TTC23: variants seen among roughly 807,000 people sequenced by gnomAD.
The protein encoded by TTC23 is tetratricopeptide repeat protein 23.
Under a neutral mutation model 55.1 loss-of-function variants are expected in TTC23, and 58 were observed. The ratio of observed to expected loss-of-function variants is 1.05; its 90% CI spans 0.85 to 1.31. TTC23 has a LOEUF of 1.31. Among genes scored for constraint, TTC23 ranks in the 50% most tolerant of loss-of-function variants. TTC23 has a pLI of 0.00. For missense variants in TTC23, 516 were observed against 534.4 expected (o/e 0.97, Z 0.34); for synonymous variants, 203 against 199.9 (o/e 1.02, Z -0.13).
intron 8 of TTC23, among the ~76,000 whole-genome samples, chr15:99,216,303 A>C (rs1167407014): frequency 3.3e-5 from 5 of 152,198 alleles, no homozygotes; most frequent in African/African-American, 1.2e-4. Flanking sequence ...TAGGTCTTGG[A>C]GGGAAATTTT....
intron 9 of TTC23, among the ~76,000 whole-genome samples, chr15:99,187,452 C>CAAAAAAAAAAAAAAAAGAAAAAAAAAAA (rs66568931): frequency 4.5e-5 from 2 of 44,506 alleles, no homozygotes; most frequent in Non-Finnish European, 4.0e-5. Flanking sequence ...AAAGCACAAG[C>CAAAAAAAAAAAAAAAAGAAAAAAAAAAA]AAAAAAAAAA....
At chr15:99,233,013 G>C (rs535063616) in intron 4 of TTC23, among the ~76,000 whole-genome samples, 10 of 152,312 alleles carry the variant, frequency 6.6e-5, no homozygotes, top group Non-Finnish European at 1.3e-4. Context: ...AAAATACTAT[G>C]TTAAGTGAAA....
chr15:99,151,117 A>C (rs1468204509), intron 12 of TTC23, among the ~76,000 whole-genome samples: 1 of 152,160 alleles, frequency 6.6e-6, no homozygotes, highest in Admixed American at 6.5e-5. Context: ...GGTCTGGGAC[A>C]TTTTTAAGGG....
chr15:99,216,355 C>G (rs2077474574), intron 8 of TTC23, among the ~76,000 whole-genome samples: 1 of 152,034 alleles, frequency 6.6e-6, no homozygotes, highest in Non-Finnish European at 1.5e-5. Context: ...ACTTTCTAAC[C>G]AGACTCCCAA....
intron 8 of TTC23, among the ~76,000 whole-genome samples, chr15:99,215,667 G>C (rs539835866): frequency 6.6e-6 from 1 of 152,146 alleles, no homozygotes; most frequent in South Asian, 2.1e-4. Flanking sequence ...GATTGCTTGA[G>C]CCCAGGGAGG....
rs574879822 is a variant in TTC23 at position 99,214,323 on chromosome 15, C to T, written c.581+4265G>A. ...GAGATCGAGACCATCCTGGCTAACA[C>T]GGTGAAACACCGTCTCTACTAAAAA... On this transcript the variant is annotated intron_variant, in intron 8 of 13. Coordinates refer to ENST00000394132, the MANE Select transcript of TTC23 (RefSeq NM_001288615.3). Among the ~76,000 whole-genome samples, 407 of 151,916 alleles carry T rather than the reference C, an allele frequency of 2.7e-3. 1 individual carries two copies. The highest frequency in any genetic ancestry group is 7.7e-3 in the African/African-American group (320 of 41,430).
chr15:99,194,271 G>C (rs1162366202), intron 9 of TTC23, among the ~76,000 whole-genome samples: 1 of 152,046 alleles, frequency 6.6e-6, no homozygotes, highest in Non-Finnish European at 1.5e-5. Context: ...TTTGTATGGA[G>C]AGGCAAAAGA....
chr15:99,137,928 C>T lies in TTC23; in HGVS notation c.*82G>A. ...AATCTGTATCCTGACTGTTGAATTC[C>T]ATTTTCTAGGCGGAGGTGATTTGTA... On this transcript the variant is annotated 3_prime_UTR_variant, in exon 14 of 14. Transcript: ENST00000394132. The T allele has an allele frequency of 6.3e-7, 1 of 1,575,864 alleles. No homozygotes were observed. The highest frequency in any genetic ancestry group is 1.1e-5 in the South Asian group (1 of 87,640).
chr15:99,226,499 GA>G (rs2078430902), intron 5 of TTC23, among the ~76,000 whole-genome samples: 1 of 152,122 alleles, frequency 6.6e-6, no homozygotes, highest in African/African-American at 2.4e-5. Context: ...CTAAAAAACT[GA>G]TATTTTAAAA....
chr15:99,164,445 A>G (rs2071783602), intron 10 of TTC23, among the ~76,000 whole-genome samples: 1 of 152,216 alleles, frequency 6.6e-6, no homozygotes, highest in Non-Finnish European at 1.5e-5. Context: ...ACTCCCACAG[A>G]AGCACCTGTT....
intron 2 of TTC23, among the ~76,000 whole-genome samples, chr15:99,242,272 C>T (rs979154196): frequency 6.6e-6 from 1 of 151,102 alleles, no homozygotes; most frequent in Non-Finnish European, 1.5e-5. Flanking sequence ...ATAAAAAATA[C>T]CAAAAAAATA....
chr15:99,224,758 C>G (rs1479439438), intron 5 of TTC23, among the ~76,000 whole-genome samples: 2 of 152,214 alleles, frequency 1.3e-5, no homozygotes, highest in African/African-American at 4.8e-5. Flanking sequence ...AGCAGAAATG[C>G]CCCTTACGTT....
intron 8 of TTC23, among the ~76,000 whole-genome samples, chr15:99,207,649 C>T (rs2076730162): frequency 6.6e-6 from 1 of 152,216 alleles, no homozygotes. Context: ...CCCAACTACT[C>T]AGGAGGGTGA....
chr15:99,213,034 G>A (rs1268506365), intron 8 of TTC23, among the ~76,000 whole-genome samples: 1 of 148,144 alleles, frequency 6.8e-6, no homozygotes. Flanking sequence ...AATGAGCGCT[G>A]CCTGAGAAAT....
intron 8 of TTC23, among the ~76,000 whole-genome samples, chr15:99,204,047 A>T (rs941101916): frequency 4.6e-5 from 7 of 152,070 alleles, no homozygotes; most frequent in Non-Finnish European, 7.4e-5. Flanking sequence ...TAGTTTTATT[A>T]TTAGTTTTCT....
At chr15:99,204,143 C>T (rs2076420632) in intron 8 of TTC23, among the ~76,000 whole-genome samples, 1 of 152,184 alleles carries the variant, frequency 6.6e-6, no homozygotes, top group African/African-American at 2.4e-5. Context: ...TTCTCCACAT[C>T]CTCACCAGCA....
chr15:99,180,130 C>T (rs2073974545), intron 9 of TTC23, among the ~76,000 whole-genome samples: 1 of 152,126 alleles, frequency 6.6e-6, no homozygotes, highest in Non-Finnish European at 1.5e-5. Flanking sequence ...CACACTCACT[C>T]CTTCTCCTCA....
At chr15:99,170,238 G>A (rs553317516) in intron 10 of TTC23, among the ~76,000 whole-genome samples, 1 of 152,228 alleles carries the variant, frequency 6.6e-6, no homozygotes, top group East Asian at 1.9e-4. Context: ...TACAGGGAAG[G>A]CACAGAGCAA....
At chr15:99,182,998 G>T (rs922659566) in intron 9 of TTC23, among the ~76,000 whole-genome samples, 1 of 152,218 alleles carries the variant, frequency 6.6e-6, no homozygotes, top group Non-Finnish European at 1.5e-5. Flanking sequence ...ACCAGAGAAT[G>T]TGGAAGTGAC....
Sources: gnomAD v4.1 joint callset for allele counts (sites outside exome capture counted in the v4.1 genomes callset) on GRCh38, gnomAD v4.1.1 for gene constraint, MANE v1.5 for transcripts, NCBI Gene and HGNC (gene_info 2026-07-23, HGNC 2026-07-21) for gene names.